The following MAGI2 variants were observed in gnomAD, a reference collection of about 807,000 sequenced individuals.
MAGI2 encodes membrane-associated guanylate kinase, WW and PDZ domain-containing protein 2.
Under a neutral mutation model 133.3 loss-of-function variants are expected in MAGI2, and 35 were observed. That is an observed-to-expected ratio of 0.26 (90% CI 0.20 to 0.35). The LOEUF (loss-of-function observed/expected upper bound fraction) is 0.35. Ranked by LOEUF, MAGI2 falls within the 10% of genes least tolerant of loss-of-function variation. MAGI2 has a pLI of 1.00. For synonymous variants in MAGI2, 729 were observed against 710.6 expected (o/e 1.03, Z -0.41); for missense variants, 1,636 against 1,863.4 (o/e 0.88, Z 2.25).
chr7:79,283,857 A>C (rs1250699112), intron 1 of MAGI2, among the ~76,000 whole-genome samples: 1 of 152,112 alleles, frequency 6.6e-6, no homozygotes, highest in Non-Finnish European at 1.5e-5. Flanking sequence ...TCAGTCAACA[A>C]TGGATCACAC....
At chr7:79,005,000 T>G (rs983850619) in intron 2 of MAGI2, among the ~76,000 whole-genome samples, 5 of 151,608 alleles carry the variant, frequency 3.3e-5, no homozygotes, top group African/African-American at 1.2e-4. Context: ...GAGAATTGCT[T>G]GAACCTGGGA....
chr7:78,969,356 T>G (rs930438644), intron 2 of MAGI2, among the ~76,000 whole-genome samples: 1 of 152,076 alleles, frequency 6.6e-6, no homozygotes, highest in African/African-American at 2.4e-5. Flanking sequence ...AACCCCGCCT[T>G]GGGTAACCTA....
intron 2 of MAGI2, among the ~76,000 whole-genome samples, chr7:78,848,961 A>T (rs945621001): frequency 1.3e-5 from 2 of 152,090 alleles, no homozygotes; most frequent in Non-Finnish European, 2.9e-5. Flanking sequence ...ATGCTTGGCT[A>T]ATAGTAGAAG....
intron 1 of MAGI2, among the ~76,000 whole-genome samples, chr7:79,009,565 T>TA (rs1295922319): frequency 6.6e-6 from 1 of 152,110 alleles, no homozygotes; most frequent in Non-Finnish European, 1.5e-5. Flanking sequence ...GCTAGTTGCC[T>TA]ACCCAATATT....
At chr7:78,861,195 G>A (rs1188161831) in intron 2 of MAGI2, among the ~76,000 whole-genome samples, 1 of 152,198 alleles carries the variant, frequency 6.6e-6, no homozygotes, top group Admixed American at 6.5e-5. Context: ...CACTTCCCGG[G>A]TGAGGCGATG....
chr7:78,232,077 A>G (rs1171149790), intron 10 of MAGI2, among the ~76,000 whole-genome samples: 3 of 152,118 alleles, frequency 2.0e-5, no homozygotes, highest in East Asian at 1.9e-4. Context: ...ACACAGGCAA[A>G]AAAGCAAGGC....
At chr7:78,355,127 A>T (rs575707134) in intron 7 of MAGI2, among the ~76,000 whole-genome samples, 1 of 152,334 alleles carries the variant, frequency 6.6e-6, no homozygotes, top group Admixed American at 6.5e-5. Context: ...AAAGCTTTGG[A>T]CAAATGAGAT....
At position 78,999,281 on chromosome 7, in the gene MAGI2, C is replaced by T. The variant is rs1029023014; in HGVS notation, c.418+7809G>A. Among the ~76,000 whole-genome samples, 6 of 151,030 alleles carry T rather than the reference C, an allele frequency of 4.0e-5. No individual in the cohort carries two copies. In the East Asian group the frequency reaches 5.8e-4, roughly 15 times the overall value. ...ATGTGGTTGCGAAGATCAGTAAGAT[C>T]GTATACTGTTGGTGCTTATTCCTTT... is the stretch of plus-strand genomic sequence containing the variant. On this transcript the variant is annotated intron_variant, in intron 2 of 21. Transcript: ENST00000354212.
At chr7:78,677,533 A>G (rs1815177629) in intron 2 of MAGI2, among the ~76,000 whole-genome samples, 1 of 152,014 alleles carries the variant, frequency 6.6e-6, no homozygotes, top group African/African-American at 2.4e-5. Flanking sequence ...GGTCTTTCCT[A>G]TCATTAAAAA....
At chr7:78,711,771 G>A (rs1439877973) in intron 2 of MAGI2, among the ~76,000 whole-genome samples, 5 of 152,118 alleles carry the variant, frequency 3.3e-5, no homozygotes, top group African/African-American at 7.2e-5. Context: ...AGAAGAGAGC[G>A]TTGATGTTTA....
Position 78,805,509 on chromosome 7 carries a change from T to C in MAGI2, c.419-178270A>G, listed in dbSNP as rs538337703. 1.7e-4 allele frequency among the ~76,000 whole-genome samples: 26 copies of C among 152,238 alleles called. No individual in the cohort carries two copies. The South Asian group carries it at 5.4e-3, about 32-fold the overall frequency. On this transcript the variant is annotated intron_variant, in intron 2 of 21. Transcript: ENST00000354212. ...GCAGAACTGTCTATAAGTTAAAGTT[T>C]AGCTAAAACTTATGTTTAAAAAAAT... is the stretch of plus-strand genomic sequence containing the variant.
At chr7:78,850,637 T>C (rs546919847) in intron 2 of MAGI2, among the ~76,000 whole-genome samples, 16 of 152,060 alleles carry the variant, frequency 1.1e-4, no homozygotes, top group East Asian at 1.9e-4. Context: ...GATACTCCTG[T>C]AGTATCATCA....
intron 1 of MAGI2, among the ~76,000 whole-genome samples, chr7:79,289,944 C>A (rs1424214752): frequency 6.6e-6 from 1 of 151,866 alleles, no homozygotes; most frequent in East Asian, 1.9e-4. Flanking sequence ...TTCATTTAAC[C>A]ATTTCTTAAA....
intron 10 of MAGI2, among the ~76,000 whole-genome samples, chr7:78,231,359 T>G (rs1204742153): frequency 6.6e-6 from 1 of 152,190 alleles, no homozygotes; most frequent in Non-Finnish European, 1.5e-5. Flanking sequence ...GGTTTTGGGA[T>G]TGCGTGCCTG....
Position 78,907,626 on chromosome 7 carries a change from A to G in MAGI2, c.418+99464T>C, listed in dbSNP as rs555813922. ...GAAGCAAATAAAGCTCAGTTCTGCTATCAAATAGAATTCCCTTTTTCCTTT... is the reference window on the plus strand; with the variant it reads ...GAAGCAAATAAAGCTCAGTTCTGCTGTCAAATAGAATTCCCTTTTTCCTTT... On this transcript the variant is annotated intron_variant, in intron 2 of 21. Transcript: ENST00000354212. Among the ~76,000 whole-genome samples, 6 of 152,330 alleles carry G rather than the reference A, an allele frequency of 3.9e-5. No homozygotes were observed. The East Asian group carries it at 1.2e-3, about 29-fold the overall frequency.
intron 2 of MAGI2, among the ~76,000 whole-genome samples, chr7:78,962,100 G>C (rs113833452): frequency 6.6e-6 from 1 of 151,836 alleles, no homozygotes; most frequent in African/African-American, 2.4e-5. Context: ...TTGAACTCTC[G>C]TTATGTGGTA....
intron 1 of MAGI2, among the ~76,000 whole-genome samples, chr7:79,438,525 T>C (rs1848293541): frequency 6.6e-6 from 1 of 152,114 alleles, no homozygotes; most frequent in African/African-American, 2.4e-5. Context: ...ATAGCAATTT[T>C]CTTTTTCTAG....
intron 1 of MAGI2, among the ~76,000 whole-genome samples, chr7:79,194,808 C>G (rs149868752): frequency 5.0e-4 from 76 of 151,442 alleles, no homozygotes; most frequent in African/African-American, 1.7e-3. Context: ...AAAAAAAATG[C>G]CGCACACTCT....
rs577525266 is a variant in MAGI2, at chr7:78,700,380, TAA to T, written c.419-73143_419-73142del. Among the ~76,000 whole-genome samples the T allele has an allele frequency of 3.5e-3, 536 of 152,252 alleles. 6 individuals are homozygous for T. The highest frequency in any genetic ancestry group is 0.012 in the African/African-American group (502 of 41,568). ...TACTATGCTTATTAATCAATTCAGATAAGACTCAAATTAAAATGAATTTGGAA... is the reference window on the plus strand; with the variant it reads ...TACTATGCTTATTAATCAATTCAGATGACTCAAATTAAAATGAATTTGGAA... On this transcript the variant is annotated intron_variant, in intron 2 of 21. Coordinates refer to ENST00000354212, the MANE Select transcript of MAGI2 (RefSeq NM_012301.4).
Sources: gnomAD v4.1 joint callset for allele counts (sites outside exome capture counted in the v4.1 genomes callset) on GRCh38, gnomAD v4.1.1 for gene constraint, MANE v1.5 for transcripts, NCBI Gene and HGNC (gene_info 2026-07-23, HGNC 2026-07-21) for gene names.